The following KSR1 variants were observed in gnomAD, a reference collection of about 807,000 sequenced individuals.
KSR1 encodes kinase suppressor of ras 1, also known as kinase suppressor of ras.
A neutral mutation model predicts 92.9 loss-of-function variants in KSR1; 35 were observed. That is an observed-to-expected ratio of 0.38 (90% confidence interval 0.29 to 0.50). KSR1 has a LOEUF of 0.50. Among genes scored for constraint, KSR1 ranks in the 20% least tolerant of loss-of-function variants. The pLI is 0.94. For missense variants in KSR1, 972 were observed against 1,158.5 expected, an observed-to-expected ratio of 0.84 and a Z score of 2.34; for synonymous variants, 467 against 472.6, an observed-to-expected ratio of 0.99 and a Z score of 0.15.
chr17:27,513,367 G>C (rs1023111964), intron 1 of KSR1, among the ~76,000 whole-genome samples: 1 of 152,042 alleles, frequency 6.6e-6, no homozygotes, highest in Non-Finnish European at 1.5e-5. Flanking sequence ...GAGGCAGGAG[G>C]ATCACCTGAG....
chr17:27,469,993 AGTGTGTGTGTGTGTGTGT>A (rs145390989), intron 1 of KSR1, among the ~76,000 whole-genome samples: 8 of 139,570 alleles, frequency 5.7e-5, no homozygotes, highest in South Asian at 2.3e-4. Context: ...ATGGAGATGG[AGTGTGTGTGTGTGTGTGT>A]GTGTGTGTGT....
In KSR1 at chr17:27,611,522, G is replaced by A; in HGVS notation, c.2386G>A (p.Asp796Asn). The A allele has an allele frequency of 1.9e-6, 3 of 1,613,900 alleles. No individual in the cohort carries two copies. Among genetic ancestry groups the A allele is most frequent in the Non-Finnish European group, 2.5e-6 (3 of 1,179,800 alleles). ...TGTTTGGTATGAGCTGCAAGCAAGAGACTGGCCCTTGAAGAACCAGGCTGC... is the reference window on the plus strand; with the variant it reads ...TGTTTGGTATGAGCTGCAAGCAAGAAACTGGCCCTTGAAGAACCAGGCTGC... Reference protein sequence around the residue: ...GTVWYELQARDWPLKNQAAEA... With the variant: ...GTVWYELQARNWPLKNQAAEA... Residue 796 changes from aspartate (D) to asparagine (N), a missense_variant, in exon 18 of 21, where the codon GAC (aspartate) becomes AAC (asparagine). Transcript: ENST00000644974.
chr17:27,491,043 A>G (rs1360451004), intron 1 of KSR1, among the ~76,000 whole-genome samples: 1 of 151,978 alleles, frequency 6.6e-6, no homozygotes, highest in Non-Finnish European at 1.5e-5. Flanking sequence ...AACCATATGT[A>G]TATGTATCTA....
chr17:27,485,749 G>C (rs139568884), intron 1 of KSR1, among the ~76,000 whole-genome samples: 229 of 152,280 alleles, frequency 1.5e-3, no homozygotes, highest in Non-Finnish European at 2.3e-3. Context: ...TTGTGTAGTG[G>C]GTGGGGAATG....
intron 1 of KSR1, among the ~76,000 whole-genome samples, chr17:27,520,415 C>T (rs1218901945): frequency 6.6e-6 from 1 of 152,136 alleles, no homozygotes; most frequent in Non-Finnish European, 1.5e-5. Flanking sequence ...AATTTTTTCC[C>T]CTCCCTGGAC....
In KSR1 at chr17:27,591,020, G is replaced by T. The variant is rs978676925; in HGVS notation, c.1130+126G>T. Reference sequence around the variant, plus strand: ...CCAGGGAGTGATCAGGTCTCTTCAGGGAGACTAAGCAAGTTACTCCTGGAA... The same window carrying T: ...CCAGGGAGTGATCAGGTCTCTTCAGTGAGACTAAGCAAGTTACTCCTGGAA... On this transcript the variant is annotated intron_variant, in intron 7 of 20. Transcript: ENST00000644974. 8.4e-5 allele frequency: 65 copies of T among 775,104 alleles called. No individual in the cohort carries two copies. The African/African-American group carries it at 1.0e-3, about 12-fold the overall frequency. 48.0% of individuals were successfully genotyped at this position (775,104 alleles called of 1,614,324 possible). A position where few individuals can be genotyped will look rare whatever the true frequency, so the allele number is the denominator to read the frequency against.
In KSR1 at chr17:27,623,781, A is replaced by G; in HGVS notation, c.*389A>G. 1.8e-6 allele frequency: 1 copy of G among 545,386 alleles called. No individual in the cohort carries two copies. Among genetic ancestry groups the G allele is most frequent in the Non-Finnish European group, 3.2e-6 (1 of 315,762 alleles). 33.8% of individuals were successfully genotyped at this position (545,386 alleles called of 1,614,324 possible). On this transcript the variant is annotated 3_prime_UTR_variant, in exon 21 of 21. Coordinates refer to ENST00000644974, the MANE Select transcript of KSR1 (RefSeq NM_001394583.1). Reference sequence around the variant, plus strand: ...GGTGAGGGACCCATGCTGGGCCAGAAGGAAGACAAACATGGTAATTGCAGC... The same window carrying G: ...GGTGAGGGACCCATGCTGGGCCAGAGGGAAGACAAACATGGTAATTGCAGC...
intron 1 of KSR1, among the ~76,000 whole-genome samples, chr17:27,473,719 T>C (rs1278825838): frequency 1.3e-5 from 2 of 151,862 alleles, no homozygotes; most frequent in African/African-American, 4.8e-5. Context: ...AGGTGACGAG[T>C]CCCTGGGGAG....
intron 1 of KSR1, among the ~76,000 whole-genome samples, chr17:27,525,815 T>C (rs1485305212): frequency 6.6e-6 from 1 of 152,212 alleles, no homozygotes; most frequent in Non-Finnish European, 1.5e-5. Flanking sequence ...CCCCGGGTAG[T>C]CTAGCAAGAT....
chr17:27,568,551 C>G (rs1007399444), intron 2 of KSR1, among the ~76,000 whole-genome samples: 2 of 152,248 alleles, frequency 1.3e-5, no homozygotes, highest in Middle Eastern at 3.4e-3. Flanking sequence ...ATGGTGTGTC[C>G]GAGCAGGGGA....
chr17:27,589,191 G>T (rs914818991), intron 6 of KSR1, among the ~76,000 whole-genome samples: 1 of 152,172 alleles, frequency 6.6e-6, no homozygotes, highest in Non-Finnish European at 1.5e-5. Flanking sequence ...TTTACACGGC[G>T]TATCTGTGAT....
chr17:27,538,496 C>G (rs559277559), intron 1 of KSR1, among the ~76,000 whole-genome samples: 5 of 152,300 alleles, frequency 3.3e-5, no homozygotes, highest in African/African-American at 1.2e-4. Context: ...TCACAGGTAA[C>G]CAGCTTCAAG....
chr17:27,501,280 A>ATTTTT (rs1567768215), intron 1 of KSR1, among the ~76,000 whole-genome samples: 1 of 60,720 alleles, frequency 1.6e-5, no homozygotes. Context: ...TTTTTTTTTA[A>ATTTTT]TTTCTTTTCT....
intron 14 of KSR1, among the ~76,000 whole-genome samples, chr17:27,606,982 C>T (rs2073774814): frequency 6.6e-6 from 1 of 152,010 alleles, no homozygotes; most frequent in South Asian, 2.1e-4. Flanking sequence ...CAGCCGTGTG[C>T]CACCACGCCT....
At chr17:27,503,475 A>G (rs1345300036) in intron 1 of KSR1, among the ~76,000 whole-genome samples, 1 of 152,178 alleles carries the variant, frequency 6.6e-6, no homozygotes, top group Non-Finnish European at 1.5e-5. Context: ...GAGGTGGGCA[A>G]ATCACTTGAG....
intron 2 of KSR1, among the ~76,000 whole-genome samples, chr17:27,567,149 A>T (rs2072108131): frequency 6.6e-6 from 1 of 152,180 alleles, no homozygotes; most frequent in Non-Finnish European, 1.5e-5. Context: ...TGTTATTTTT[A>T]TGATTAGACT....
At chr17:27,575,442 G>T (rs1465945932) in intron 2 of KSR1, among the ~76,000 whole-genome samples, 1 of 152,224 alleles carries the variant, frequency 6.6e-6, no homozygotes, top group East Asian at 1.9e-4. Flanking sequence ...CATATAATGA[G>T]CAGTGAGGAA....
chr17:27,523,863 G>T (rs559775602), intron 1 of KSR1, among the ~76,000 whole-genome samples: 2 of 152,306 alleles, frequency 1.3e-5, no homozygotes, highest in African/African-American at 4.8e-5. Context: ...TTACCATGTG[G>T]CACTTCCATT....
intron 2 of KSR1, among the ~76,000 whole-genome samples, chr17:27,571,529 TCAC>T (rs1263630628): frequency 1.9e-4 from 29 of 152,208 alleles, no homozygotes; most frequent in Non-Finnish European, 1.0e-4. Flanking sequence ...GGGTCCTATG[TCAC>T]CACCCACAGG....
Sources: allele counts gnomAD v4.1 joint callset (sites outside exome capture counted in the v4.1 genomes callset), GRCh38; gene constraint gnomAD v4.1.1; transcripts MANE v1.5; gene names NCBI Gene and HGNC (gene_info 2026-07-23, HGNC 2026-07-21).